CPNE8: variants seen among roughly 807,000 people sequenced by gnomAD.
CPNE8 encodes copine-8.
In CPNE8, 45 loss-of-function variants were observed where a neutral mutation model predicts 81.5. The observed-to-expected ratio is 0.55, with a 90% confidence interval of 0.44 to 0.71. The LOEUF (loss-of-function observed/expected upper bound fraction) is 0.71. CPNE8 is among the 30% of genes least tolerant of loss of function. CPNE8 has a pLI of 0.00. For missense variants in CPNE8, 594 were observed against 672.1 expected (o/e 0.88, Z 1.28); for synonymous variants, 252 against 226.3 (o/e 1.11, Z -1.02).
chr12:38,796,110 T>C (rs1296290170), intron 6 of CPNE8, among the ~76,000 whole-genome samples: 1 of 151,952 alleles, frequency 6.6e-6, no homozygotes, highest in Non-Finnish European at 1.5e-5. Flanking sequence ...AAATATAACA[T>C]GGCCATCTCT....
At chr12:38,874,391 C>T in intron 2 of CPNE8, 80 bp downstream of exon 2, 2 of 1,060,968 alleles carry the variant, frequency 1.9e-6, no homozygotes, top group Admixed American at 1.8e-5. Context: ...TTAAAACAAA[C>T]CTTTAAACAA....
At chr12:38,858,593 G>A (rs1052468630) in intron 3 of CPNE8, among the ~76,000 whole-genome samples, 15 of 152,118 alleles carry the variant, frequency 9.9e-5, no homozygotes, top group Non-Finnish European at 1.9e-4. Context: ...TCATGGAAAG[G>A]GGCAATTAAT....
intron 3 of CPNE8, among the ~76,000 whole-genome samples, chr12:38,866,130 G>A (rs950753799): frequency 3.3e-5 from 5 of 152,122 alleles, no homozygotes; most frequent in African/African-American, 1.2e-4. Flanking sequence ...AATATTAATG[G>A]CCACGCATTT....
intron 8 of CPNE8, among the ~76,000 whole-genome samples, chr12:38,762,430 A>G (rs370141147): frequency 6.6e-6 from 1 of 152,226 alleles, no homozygotes; most frequent in East Asian, 1.9e-4. Context: ...AACAATCTGA[A>G]AATTCAATAA....
chr12:38,906,619 C>A (rs574177985), upstream of CPNE8: 2 of 985,304 alleles, frequency 2.0e-6, no homozygotes, highest in South Asian at 9.4e-5. Context: ...TCAGAGTGAG[C>A]GCTGCGTTTG....
chr12:38,797,254 T>C (rs1489835534), intron 6 of CPNE8, among the ~76,000 whole-genome samples: 1 of 152,242 alleles, frequency 6.6e-6, no homozygotes, highest in South Asian at 2.1e-4. Context: ...CTCAACTGCG[T>C]CCCTGACCCC....
intron 13 of CPNE8, among the ~76,000 whole-genome samples, chr12:38,703,893 G>C (rs1218753380): frequency 2.0e-5 from 3 of 152,090 alleles, no homozygotes; most frequent in Non-Finnish European, 2.9e-5. Flanking sequence ...AACCGAGGGA[G>C]TGAAAATCTA....
At chr12:38,806,239 C>T (rs1303375946) in intron 6 of CPNE8, among the ~76,000 whole-genome samples, 3 of 150,192 alleles carry the variant, frequency 2.0e-5, no homozygotes, top group African/African-American at 7.3e-5. Flanking sequence ...GGGAATCCTC[C>T]CTAACTCATT....
At chr12:38,707,564 T>C (rs370987356) in intron 13 of CPNE8, among the ~76,000 whole-genome samples, 8 of 152,138 alleles carry the variant, frequency 5.3e-5, no homozygotes, top group African/African-American at 1.7e-4. Context: ...AAAAGGTGGA[T>C]GCATTCATTT....
At chr12:38,753,680 G>T (rs905887821) in intron 10 of CPNE8, among the ~76,000 whole-genome samples, 1 of 152,094 alleles carries the variant, frequency 6.6e-6, no homozygotes, top group Non-Finnish European at 1.5e-5. Flanking sequence ...CACTTTTTGT[G>T]GTTTCAGGTA....
At chr12:38,777,941 A>G (rs1423963111) in intron 6 of CPNE8, among the ~76,000 whole-genome samples, 1 of 152,020 alleles carries the variant, frequency 6.6e-6, no homozygotes, top group Non-Finnish European at 1.5e-5. Flanking sequence ...CGTGAACCCT[A>G]TTGTGAACTG....
rs544243123 is a variant in CPNE8 at position 38,891,138 on chromosome 12, C to G, written c.98+14299G>C. Among the ~76,000 whole-genome samples the G allele has an allele frequency of 2.6e-5, 4 of 151,900 alleles. No individual in the cohort carries two copies. In the South Asian group the frequency reaches 8.3e-4, roughly 32 times the overall value. ...TAGAGATGGGGTTTTACCCTGTTGT[C>G]CAGGCTGATTTCAACCTCCCAACCT... On this transcript the variant is annotated intron_variant, in intron 1 of 19. Transcript: ENST00000331366.
chr12:38,772,930 C>T (rs911157779), intron 7 of CPNE8, among the ~76,000 whole-genome samples: 13 of 151,246 alleles, frequency 8.6e-5, no homozygotes, highest in Admixed American at 5.9e-4. Context: ...AAAATTTATA[C>T]ACACACACAC....
intron 4 of CPNE8, among the ~76,000 whole-genome samples, chr12:38,844,888 C>T (rs1269019454): frequency 6.6e-6 from 1 of 152,082 alleles, no homozygotes; most frequent in Non-Finnish European, 1.5e-5. Context: ...TTCTGAAAAC[C>T]ATTTACATCT....
Position 38,653,752 on chromosome 12 carries a change from G to A in CPNE8, c.*130C>T, listed in dbSNP as rs1591990513. 1 of 1,314,112 alleles carries A rather than the reference G, an allele frequency of 7.6e-7. No homozygotes were observed. Among genetic ancestry groups the A allele is most frequent in the East Asian group, 3.0e-5 (1 of 33,664 alleles). The allele number at this position is 1,314,112 out of a possible 1,614,324, so 81.4% of individuals were successfully genotyped here. A position where few individuals can be genotyped will look rare whatever the true frequency, so the allele number is the denominator to read the frequency against. The stretch of plus-strand genomic sequence containing the variant: ...GGAAGATATTTAAATTTGGATCCAA[G>A]AAAGCACATTAACTGCTGAAACCAA... On this transcript the variant is annotated 3_prime_UTR_variant, in exon 20 of 20. Coordinates refer to ENST00000331366, the MANE Select transcript of CPNE8 (RefSeq NM_153634.3).
rs769484046 is a variant in CPNE8, at chr12:38,677,593, T to G, written c.1272-39A>C. 5 of 1,145,398 alleles carry G rather than the reference T, an allele frequency of 4.4e-6. No homozygotes were observed. In the African/African-American group the frequency reaches 7.6e-5, roughly 17 times the overall value. 71.0% of individuals were successfully genotyped at this position (1,145,398 alleles called of 1,614,324 possible). A position where few individuals can be genotyped will look rare whatever the true frequency, so the allele number is the denominator to read the frequency against. On this transcript the variant is annotated intron_variant, in intron 16 of 19. Transcript: ENST00000331366. ...AAAAGGTAAGGAAAGTAAAACAGTT[T>G]TCTATATGTGATGGTTGGTAAATAC...
chr12:38,767,583 A>T, intron 8 of CPNE8, 52 bp downstream of exon 8: 1 of 1,050,498 alleles, frequency 9.5e-7, no homozygotes, highest in Non-Finnish European at 1.4e-6. Flanking sequence ...AATAATTATA[A>T]TTCAAGTATC....
intron 16 of CPNE8, among the ~76,000 whole-genome samples, chr12:38,683,654 G>C (rs1939461024): frequency 6.6e-6 from 1 of 152,006 alleles, no homozygotes; most frequent in South Asian, 2.1e-4. Flanking sequence ...AAGGATAAAA[G>C]CATTTCTTTT....
intron 10 of CPNE8, among the ~76,000 whole-genome samples, chr12:38,738,832 G>C (rs1442191745): frequency 2.3e-5 from 1 of 42,586 alleles, no homozygotes; most frequent in Non-Finnish European, 5.3e-5. Flanking sequence ...TTTTTTTTTT[G>C]AGACAGGGTC....
Sources: allele counts gnomAD v4.1 joint callset (sites outside exome capture counted in the v4.1 genomes callset), GRCh38; gene constraint gnomAD v4.1.1; transcripts MANE v1.5; gene names NCBI Gene and HGNC (gene_info 2026-07-23, HGNC 2026-07-21).